Variants in EXOC4 observed in about 807,000 individuals in gnomAD.
EXOC4 encodes SEC8-like 1.
In EXOC4, 71 loss-of-function variants were observed where a neutral mutation model predicts 107.2. The observed-to-expected ratio is 0.66, with a 90% CI of 0.55 to 0.81. EXOC4 has a LOEUF of 0.81. Ranked by LOEUF, EXOC4 falls within the 30% of genes least tolerant of loss-of-function variation. The pLI is 0.00. For missense variants in EXOC4, 1,108 were observed against 1,189.6 expected, an observed-to-expected ratio of 0.93 and a Z score of 1.01; for synonymous variants, 456 against 441.2, an observed-to-expected ratio of 1.03 and a Z score of -0.42.
chr7:133,470,234 TA>T (rs899138619), intron 7 of EXOC4, among the ~76,000 whole-genome samples: 3 of 151,974 alleles, frequency 2.0e-5, no homozygotes, highest in South Asian at 4.2e-4. Context: ...CATATTTATT[TA>T]AAAAAAACCT....
At chr7:133,938,142 A>T in intron 14 of EXOC4, 73 bp downstream of exon 14, 1 of 1,485,486 alleles carries the variant, frequency 6.7e-7, no homozygotes. Context: ...GAAAGATGAG[A>T]GTGTACACTG....
At position 133,435,558 on chromosome 7, in the gene EXOC4, C is replaced by A. The variant is rs564513517; in HGVS notation, c.1183-39770C>A. ...GATTGTATAACATAAGGACATTTTG[C>A]CCCTGGAAATGTCCCTTTTTTCTTA... On this transcript the variant is annotated intron_variant, in intron 7 of 17. Coordinates refer to ENST00000253861, the MANE Select transcript of EXOC4 (RefSeq NM_021807.4). Among the ~76,000 whole-genome samples, 8 of 152,280 alleles carry A rather than the reference C, an allele frequency of 5.3e-5. No individual in the cohort carries two copies. In the East Asian group the frequency reaches 1.5e-3, roughly 29 times the overall value.
chr7:133,922,590 T>A (rs1337860142), intron 13 of EXOC4, among the ~76,000 whole-genome samples: 1 of 152,162 alleles, frequency 6.6e-6, no homozygotes, highest in Non-Finnish European at 1.5e-5. Context: ...CTCATGCCTG[T>A]AATCCCAGCA....
intron 9 of EXOC4, among the ~76,000 whole-genome samples, chr7:133,562,272 C>T (rs947665915): frequency 1.3e-5 from 2 of 152,144 alleles, no homozygotes; most frequent in Admixed American, 6.5e-5. Context: ...TATCCAAGCC[C>T]AGGGGTTGGT....
chr7:134,007,811 G>A lies in EXOC4; in HGVS notation c.2663G>A (p.Arg888Gln). 1.9e-6 allele frequency: 3 copies of A among 1,613,196 alleles called. No homozygotes were observed. The highest frequency in any genetic ancestry group is 2.5e-6 in the Non-Finnish European group (3 of 1,179,522). ...AATTTGACCAACATCACCATGTCGC[G>A]GGAGGCAGACCTGGACTTTGCAAGG... ...QQNLTNITMS[R>Q]EADLDFARQY... The change falls in exon 17 of 18, where the codon CGG (arginine) becomes CAG (glutamine). Residue 888 changes from arginine to glutamine, a missense_variant. Transcript: ENST00000253861.
intron 14 of EXOC4, among the ~76,000 whole-genome samples, chr7:133,965,790 A>G (rs1351900536): frequency 6.6e-6 from 1 of 151,982 alleles, no homozygotes; most frequent in Non-Finnish European, 1.5e-5. Flanking sequence ...TTTGCTTAGG[A>G]TTGTCTTGGC....
intron 11 of EXOC4, among the ~76,000 whole-genome samples, chr7:133,822,840 G>A (rs1797556080): frequency 1.3e-5 from 2 of 152,194 alleles, no homozygotes; most frequent in African/African-American, 4.8e-5. Context: ...TTAGGAAACG[G>A]GATCTAATGT....
At chr7:133,650,365 A>G (rs982055726) in intron 10 of EXOC4, among the ~76,000 whole-genome samples, 100 of 152,222 alleles carry the variant, frequency 6.6e-4, no homozygotes, top group African/African-American at 2.3e-3. Context: ...AAATTGTGAA[A>G]TGGAGCTCTA....
intron 7 of EXOC4, among the ~76,000 whole-genome samples, chr7:133,409,781 C>T (rs1274852112): frequency 6.6e-6 from 1 of 152,116 alleles, no homozygotes. Context: ...TTGGGAAATA[C>T]TCTCCTCTTC....
At chr7:134,031,836 T>C (rs1473561059) in intron 17 of EXOC4, among the ~76,000 whole-genome samples, 1 of 152,184 alleles carries the variant, frequency 6.6e-6, no homozygotes, top group Admixed American at 6.5e-5. Flanking sequence ...GCAACAAAGT[T>C]TTTTTTGTAA....
In EXOC4 at chr7:133,410,414, G is replaced by T. The variant is rs1797330926; in HGVS notation, c.1182+35412G>T. 2.6e-5 allele frequency among the ~76,000 whole-genome samples: 4 copies of T among 152,148 alleles called. No individual in the cohort carries two copies. In the South Asian group the frequency reaches 8.3e-4, roughly 31 times the overall value. ...ATTTTTTTTCTCCACCTGTGGCTCT[G>T]CTGCGTGCATTCACATTGTGCATGC... On this transcript the variant is annotated intron_variant, in intron 7 of 17. Transcript: ENST00000253861.
rs146608639 is a variant in EXOC4 at position 133,877,381 on chromosome 7, G to T, written c.1735-18218G>T. On this transcript the variant is annotated intron_variant, in intron 11 of 17. Transcript: ENST00000253861. ...TTTTTTACATTGTTAAGTGCTGGAT[G>T]TTGTTATAGTTCTTTAAATATTGTT... Among the ~76,000 whole-genome samples the T allele has an allele frequency of 2.4e-3, 365 of 152,204 alleles. 5 individuals carry two copies. Among genetic ancestry groups the T allele is most frequent in the African/African-American group, 8.2e-3 (341 of 41,526 alleles).
intron 12 of EXOC4, among the ~76,000 whole-genome samples, chr7:133,904,174 G>A (rs6954999): frequency 0.62 from 94,762 of 152,022 alleles, 32,145 homozygotes; most frequent in African/African-American, 0.91. Flanking sequence ...TGTTTTTTAA[G>A]TCGAAGAAAT....
chr7:134,088,045 C>T, the EXOC4 span, among the ~76,000 whole-genome samples: 1 of 152,154 alleles, frequency 6.6e-6, no homozygotes, highest in Non-Finnish European at 1.5e-5. Context: ...AAATTCCTCT[C>T]CTCTTGAGGT....
chr7:133,968,880 T>C (rs1034814192), intron 14 of EXOC4, among the ~76,000 whole-genome samples: 1 of 152,208 alleles, frequency 6.6e-6, no homozygotes, highest in African/African-American at 2.4e-5. Context: ...AATTTGAATG[T>C]TGGCCTCTCT....
chr7:133,884,902 T>G (rs1269194276), intron 11 of EXOC4, among the ~76,000 whole-genome samples: 1 of 152,204 alleles, frequency 6.6e-6, no homozygotes, highest in East Asian at 1.9e-4. Context: ...TATATACATA[T>G]ATAATGAATT....
At chr7:134,042,543 G>A (rs1795544794) in intron 17 of EXOC4, among the ~76,000 whole-genome samples, 1 of 152,020 alleles carries the variant, frequency 6.6e-6, no homozygotes, top group African/African-American at 2.4e-5. Flanking sequence ...TGGGCACACT[G>A]TCGATTACGA....
intron 14 of EXOC4, among the ~76,000 whole-genome samples, chr7:133,955,292 G>A (rs986845519): frequency 6.6e-6 from 1 of 152,186 alleles, no homozygotes; most frequent in Admixed American, 6.5e-5. Context: ...CCTTTCTGTA[G>A]CAAAGGCATC....
chr7:133,278,651 G>A (rs965920178), intron 2 of EXOC4, among the ~76,000 whole-genome samples: 6 of 152,120 alleles, frequency 3.9e-5, no homozygotes, highest in African/African-American at 1.4e-4. Flanking sequence ...GGGGAGAGTG[G>A]CAGGAGAGAG....
Sources: allele counts gnomAD v4.1 joint callset (sites outside exome capture counted in the v4.1 genomes callset), GRCh38; gene constraint gnomAD v4.1.1; transcripts MANE v1.5; gene names NCBI Gene and HGNC (gene_info 2026-07-23, HGNC 2026-07-21).